The following RARB variants were observed in gnomAD, a reference collection of about 807,000 sequenced individuals.
RARB encodes the protein HBV-activated protein.
Under a neutral mutation model 51.9 loss-of-function variants are expected in RARB, and 17 were observed. The ratio of observed to expected loss-of-function variants is 0.33; its 90% CI spans 0.22 to 0.49. The LOEUF (loss-of-function observed/expected upper bound fraction) is 0.49. Ranked by LOEUF, RARB falls within the 20% of genes least tolerant of loss-of-function variation. The pLI is 0.99. For synonymous variants in RARB, 215 were observed against 195.4 expected, an observed-to-expected ratio of 1.10 and a Z score of -0.84; for missense variants, 369 against 550.8, an observed-to-expected ratio of 0.67 and a Z score of 3.30.
At chr3:25,067,937 G>C (rs1190575161) in intron 3 of RARB, among the ~76,000 whole-genome samples, 6 of 151,764 alleles carry the variant, frequency 4.0e-5, no homozygotes, top group Non-Finnish European at 8.8e-5. Context: ...AGGAGTTTGA[G>C]ACCAGGCTGG....
intron 5 of RARB, among the ~76,000 whole-genome samples, chr3:25,391,617 T>C (rs186532643): frequency 2.6e-4 from 40 of 152,302 alleles, no homozygotes; most frequent in African/African-American, 9.4e-4. Context: ...ATTGAGGTTT[T>C]GATTTCTATT....
At chr3:25,078,332 A>T (rs556721193) in intron 3 of RARB, among the ~76,000 whole-genome samples, 2 of 152,170 alleles carry the variant, frequency 1.3e-5, no homozygotes, top group South Asian at 2.1e-4. Flanking sequence ...CGTTATTAAT[A>T]CTCAGTTTTT....
rs1344214380 is a variant in RARB, at chr3:25,428,460, T to G, written c.-272T>G. ...GGAAGGCTTTTTGCAAGCATTTACT[T>G]GGAAGGAGAACTTGGGATCTTTCTG... On this transcript the variant is annotated 5_prime_UTR_variant, in exon 1 of 8. Coordinates refer to ENST00000330688, the MANE Select transcript of RARB (RefSeq NM_000965.5). The G allele has an allele frequency of 7.9e-7, 1 of 1,264,708 alleles. No individual in the cohort carries two copies. The highest frequency in any genetic ancestry group is 3.8e-5 in the Admixed American group (1 of 26,208). 78.3% of individuals were successfully genotyped at this position (1,264,708 alleles called of 1,614,324 possible). A position where few individuals can be genotyped will look rare whatever the true frequency, so the allele number is the denominator to read the frequency against.
chr3:25,434,463 C>T (rs185850615), intron 1 of RARB, among the ~76,000 whole-genome samples: 89 of 152,044 alleles, frequency 5.9e-4, no homozygotes, highest in African/African-American at 2.1e-3. Flanking sequence ...TCACAAACCT[C>T]GCCAACTCTC....
Position 25,078,323 on chromosome 3 carries a change from G to A in RARB, c.-328+18147G>A, listed in dbSNP as rs116149412. Among the ~76,000 whole-genome samples the A allele has an allele frequency of 1.8e-3, 278 of 152,032 alleles. 1 individual carries two copies. Among genetic ancestry groups the A allele is most frequent in the Middle Eastern group, 6.8e-3 (2 of 292 alleles). On this transcript the variant is annotated intron_variant, in intron 3 of 11. Transcript: ENST00000383772. ...TGGTATAAAGCTGGGATGTAAGTTC[G>A]TTATTAATACTCAGTTTTTGCAATA...
At chr3:25,096,352 CATTT>C (rs1423466450) in intron 3 of RARB, among the ~76,000 whole-genome samples, 2 of 152,038 alleles carry the variant, frequency 1.3e-5, no homozygotes, top group Non-Finnish European at 2.9e-5. Context: ...GGAAGATAAG[CATTT>C]ATGTAAGACC....
chr3:25,393,438 C>G (rs950440976), intron 5 of RARB, among the ~76,000 whole-genome samples: 17 of 151,906 alleles, frequency 1.1e-4, no homozygotes, highest in African/African-American at 4.1e-4. Context: ...CTTTCTCTGT[C>G]TTTTGTAATA....
intron 2 of RARB, among the ~76,000 whole-genome samples, chr3:24,890,768 G>A (rs1418450917): frequency 1.3e-5 from 2 of 152,068 alleles, no homozygotes; most frequent in Admixed American, 6.5e-5. Context: ...GTTCTTTCCT[G>A]GACAAAGAGT....
At chr3:25,177,433 T>A (rs1700777434) in intron 5 of RARB, among the ~76,000 whole-genome samples, 1 of 152,218 alleles carries the variant, frequency 6.6e-6, no homozygotes, top group Admixed American at 6.5e-5. Context: ...AGCAAACATG[T>A]TGGAGAATGA....
intron 2 of RARB, among the ~76,000 whole-genome samples, chr3:24,940,522 A>C (rs973489888): frequency 6.6e-6 from 1 of 152,216 alleles, no homozygotes; most frequent in African/African-American, 2.4e-5. Context: ...TGTCTGGCCA[A>C]GCAACAACTC....
chr3:25,506,511 G>A (rs1262613502), intron 3 of RARB, among the ~76,000 whole-genome samples: 1 of 152,054 alleles, frequency 6.6e-6, no homozygotes, highest in Non-Finnish European at 1.5e-5. Context: ...AGCTAATCGG[G>A]AGGCTGAGGA....
At chr3:24,976,984 G>T (rs974987660) in intron 2 of RARB, among the ~76,000 whole-genome samples, 2 of 152,174 alleles carry the variant, frequency 1.3e-5, no homozygotes, top group African/African-American at 4.8e-5. Flanking sequence ...CATATGGTTA[G>T]CCAGTTTTCC....
At chr3:25,172,209 G>A (rs532728467) in intron 4 of RARB, among the ~76,000 whole-genome samples, 1 of 152,306 alleles carries the variant, frequency 6.6e-6, no homozygotes, top group African/African-American at 2.4e-5. Flanking sequence ...AGTGAGGACA[G>A]AAGCAAATAT....
chr3:25,162,134 TC>T (rs1353354961), intron 4 of RARB, among the ~76,000 whole-genome samples: 1 of 152,170 alleles, frequency 6.6e-6, no homozygotes, highest in Non-Finnish European at 1.5e-5. Context: ...AGACAGACTC[TC>T]CCTCTGTCAC....
chr3:25,118,736 G>T (rs1699731473), intron 3 of RARB, among the ~76,000 whole-genome samples: 1 of 152,004 alleles, frequency 6.6e-6, no homozygotes, highest in Non-Finnish European at 1.5e-5. Flanking sequence ...AAGGATACCT[G>T]GTTTTGCTTA....
intron 4 of RARB, among the ~76,000 whole-genome samples, chr3:25,170,343 G>A (rs12491526): frequency 0.47 from 72,076 of 151,964 alleles, 17,800 homozygotes; most frequent in East Asian, 0.69. Flanking sequence ...CACGTCTAGA[G>A]CTGTGGCTCT....
chr3:25,387,399 G>A, intron 5 of RARB, among the ~76,000 whole-genome samples: 1 of 152,112 alleles, frequency 6.6e-6, no homozygotes. Context: ...GCACCTTATG[G>A]GTAGGAAACA....
intron 5 of RARB, among the ~76,000 whole-genome samples, chr3:25,298,184 CT>C (rs5847347): frequency 0.45 from 61,004 of 136,654 alleles, 13,025 homozygotes; most frequent in East Asian, 0.84. Context: ...GCTACCAAAT[CT>C]TTTTTTTTTT....
chr3:25,536,109 C>T (rs1344027268), intron 3 of RARB, among the ~76,000 whole-genome samples: 7 of 152,198 alleles, frequency 4.6e-5, no homozygotes, highest in Admixed American at 3.9e-4. Flanking sequence ...TTTCCTCTTA[C>T]CTGCTATTAA....
Sources: gnomAD v4.1 joint callset for allele counts (sites outside exome capture counted in the v4.1 genomes callset) on GRCh38, gnomAD v4.1.1 for gene constraint, MANE v1.5 for transcripts, NCBI Gene and HGNC (gene_info 2026-07-23, HGNC 2026-07-21) for gene names.